The following LPIN1 variants were observed in gnomAD, a reference collection of about 807,000 sequenced individuals.
The protein encoded by LPIN1 is lipin 1, also known as phosphatidate phosphatase LPIN1.
Under a neutral mutation model 107.5 loss-of-function variants are expected in LPIN1, and 71 were observed. The ratio of observed to expected loss-of-function variants is 0.66; its 90% CI spans 0.55 to 0.80. The LOEUF is 0.80. Among genes scored for constraint, LPIN1 ranks in the 30% least tolerant of loss-of-function variants. The pLI, the probability that LPIN1 is intolerant of heterozygous loss-of-function variation, is 0.00. For synonymous variants in LPIN1, 445 were observed against 452.6 expected (o/e 0.98, Z 0.21); for missense variants, 1,043 against 1,160.6 (o/e 0.90, Z 1.47).
At chr2:11,729,147 G>A (rs905168631) in intron 1 of LPIN1, among the ~76,000 whole-genome samples, 6 of 152,094 alleles carry the variant, frequency 3.9e-5, no homozygotes, top group Admixed American at 2.6e-4. Flanking sequence ...AGGGCCTGTC[G>A]GGGAACGGGG....
At chr2:11,759,182 TTTCTTTCTTTTC>T (rs1199708220) in intron 1 of LPIN1, among the ~76,000 whole-genome samples, 6 of 136,526 alleles carry the variant, frequency 4.4e-5, no homozygotes, top group Non-Finnish European at 9.5e-5. Context: ...TCTTTCTTTC[TTTCTTTCTTTTC>T]TTTCTTTCTT....
chr2:11,788,462 C>T lies in LPIN1; in HGVS notation c.1713+6C>T. 6.2e-7 allele frequency: 1 copy of T among 1,609,626 alleles called. No individual in the cohort carries two copies. Among genetic ancestry groups the T allele is most frequent in the Non-Finnish European group, 8.5e-7 (1 of 1,175,908 alleles). ...TCCAGAAACCTTTGCCAAAGGTGAG[C>T]TTTAACATGAGAAAGAAAAGGGGAT... On this transcript the variant is annotated splice_donor_region_variant and intron_variant, in intron 12 of 20. Coordinates refer to ENST00000674199, the MANE Select transcript of LPIN1 (RefSeq NM_001349206.2).
upstream of LPIN1, chr2:11,746,568 C>T: frequency 3.5e-6 from 3 of 851,196 alleles, no homozygotes; most frequent in Non-Finnish European, 4.2e-6. Flanking sequence ...CCGCCCCTGC[C>T]CTCTGCCCCC....
chr2:11,730,064 C>T (rs1026720306), intron 1 of LPIN1, among the ~76,000 whole-genome samples: 17 of 152,050 alleles, frequency 1.1e-4, no homozygotes, highest in Admixed American at 3.9e-4. Context: ...ATTTATTCCA[C>T]CCTACTCTTT....
Position 11,775,975 on chromosome 2 carries a change from A to G in LPIN1, c.723-111A>G, listed in dbSNP as rs1264473684. The G allele has an allele frequency of 3.5e-5, 10 of 282,084 alleles. 1 individual carries two copies. Among genetic ancestry groups the G allele is most frequent in the Admixed American group, 1.5e-4 (3 of 19,776 alleles). The allele number at this position is 282,084 out of a possible 1,614,324, so 17.5% of individuals were successfully genotyped here. A position where few individuals can be genotyped will look rare whatever the true frequency, so the allele number is the denominator to read the frequency against. On this transcript the variant is annotated intron_variant, in intron 5 of 20. Coordinates refer to ENST00000674199, the MANE Select transcript of LPIN1 (RefSeq NM_001349206.2). ...TATTATATATACTTTATATAATCTT[A>G]TATATAATCTTTATATAAAGTATAT...
intron 2 of LPIN1, among the ~76,000 whole-genome samples, chr2:11,766,141 T>C (rs902462911): frequency 2.0e-4 from 31 of 152,188 alleles, no homozygotes; most frequent in Non-Finnish European, 1.2e-4. Context: ...CAACTACCCA[T>C]GGCCTCTCCA....
chr2:11,784,671 G>T lies in LPIN1; in HGVS notation c.1359-215G>T, dbSNP rs1032142142. On this transcript the variant is annotated intron_variant, in intron 9 of 20. Coordinates refer to ENST00000674199, the MANE Select transcript of LPIN1 (RefSeq NM_001349206.2). ...TCAGTATATTTTAGGGGGATACAGG[G>T]AGATGCAGCCAGCTGAGAAGTAATG... is the stretch of plus-strand genomic sequence containing the variant. The T allele has an allele frequency of 1.4e-5, 9 of 633,434 alleles. No individual in the cohort carries two copies. In the African/African-American group the frequency reaches 1.4e-4, roughly 10 times the overall value. 39.2% of individuals were successfully genotyped at this position (633,434 alleles called of 1,614,324 possible).
rs538436996 is a variant in LPIN1, at chr2:11,773,213, T to C, written c.597-407T>C. Among the ~76,000 whole-genome samples, 11 of 152,348 alleles carry C rather than the reference T, an allele frequency of 7.2e-5. No individual in the cohort carries two copies. In the South Asian group the frequency reaches 1.0e-3, roughly 14 times the overall value. The stretch of plus-strand genomic sequence containing the variant: ...ACAAAATGTGATCAGCGTATGGTCA[T>C]TGAGTTATTCAGCAGTTCTGCCTGT... On this transcript the variant is annotated intron_variant, in intron 4 of 20. Coordinates refer to ENST00000674199, the MANE Select transcript of LPIN1 (RefSeq NM_001349206.2).
In LPIN1 at chr2:11,819,323, C is replaced by T. The variant is rs1484649664; in HGVS notation, c.2403-161C>T. The T allele has an allele frequency of 1.5e-5, 9 of 618,450 alleles. No individual in the cohort carries two copies. In the Admixed American group the frequency reaches 2.5e-4, roughly 17 times the overall value. 38.3% of individuals were successfully genotyped at this position (618,450 alleles called of 1,614,324 possible). ...AGACTTGAAAGTACGGGTTTACTTT[C>T]CATCTCGTGCTTTTCTGGGATGTCT... On this transcript the variant is annotated intron_variant, in intron 18 of 20. Transcript: ENST00000674199.
rs144102076 is a variant in LPIN1 at position 11,795,463 on chromosome 2, C to T, written c.1862C>T (p.Pro621Leu). 63 of 1,614,004 alleles carry T rather than the reference C, an allele frequency of 3.9e-5. No homozygotes were observed. The African/African-American group carries it at 5.7e-4, about 15-fold the overall frequency. The change falls in exon 14 of 21, where the codon CCG becomes CTG. Residue 621 changes from proline to leucine, a missense_variant. Pro to Leu is a moderately conservative substitution (Grantham distance 98). Coordinates refer to ENST00000674199, the MANE Select transcript of LPIN1 (RefSeq NM_001349206.2). ...AAGGCCCATAGCACCGGAGAGCAAC[C>T]GCCGCAGCTCAGCTTGGCCACCAGG... ...AGKAHSTGEQ[P>L]PQLSLATRVK...
At chr2:11,815,262 C>T (rs1186040183) in intron 18 of LPIN1, 22 bp downstream of exon 18, 3 of 1,613,288 alleles carry the variant, frequency 1.9e-6, no homozygotes. Flanking sequence ...GCTCCCTGCA[C>T]CTCCATCTGT....
intron 3 of LPIN1, among the ~76,000 whole-genome samples, chr2:11,770,993 G>A (rs1411685650): frequency 6.6e-6 from 1 of 152,106 alleles, no homozygotes. Context: ...CTACACAGAA[G>A]TGCAAGAGTG....
intron 1 of LPIN1, chr2:11,681,587 C>T (rs1282518657): frequency 1.3e-5 from 2 of 152,680 alleles, no homozygotes; most frequent in East Asian, 3.9e-4. Flanking sequence ...TACCCAGGTT[C>T]GGGTATTTCT....
Position 11,694,580 on chromosome 2 carries a change from C to T in LPIN1, c.81+16852C>T, listed in dbSNP as rs536295224. On this transcript the variant is annotated intron_variant, in intron 1 of 21. Coordinates refer to the LPIN1 transcript ENST00000449576. ...TTGTGTATGTATCTGAAGCTTGCAGCGCTATATCATAATGCACCTACCAAG... is the reference window on the plus strand; with the variant it reads ...TTGTGTATGTATCTGAAGCTTGCAGTGCTATATCATAATGCACCTACCAAG... Among the ~76,000 whole-genome samples the T allele has an allele frequency of 1.6e-4, 25 of 152,260 alleles. 1 individual carries two copies. The highest frequency in any genetic ancestry group is 5.8e-4 in the African/African-American group (24 of 41,540).
chr2:11,679,103 ACT>A (rs1661576079), intron 1 of LPIN1, among the ~76,000 whole-genome samples: 1 of 151,992 alleles, frequency 6.6e-6, no homozygotes, highest in African/African-American at 2.4e-5. Context: ...CGCAGGACTG[ACT>A]CTCTCGCCAG....
chr2:11,687,151 T>C (rs6432228), intron 1 of LPIN1, among the ~76,000 whole-genome samples: 85,499 of 151,712 alleles, frequency 0.56, 25,657 homozygotes, highest in African/African-American at 0.78. Flanking sequence ...GTACACACCA[T>C]CATGCCCAGC....
chr2:11,771,499 T>C lies in LPIN1; in HGVS notation c.416T>C (p.Val139Ala). 3 of 1,614,178 alleles carry C rather than the reference T, an allele frequency of 1.9e-6. No individual in the cohort carries two copies. Among genetic ancestry groups the C allele is most frequent in the Non-Finnish European group, 8.5e-7 (1 of 1,180,028 alleles). ...CTGGACCCCAGCACGCCAGCCCAAG[T>C]GATCGCTCCCAGCGAGACGCCGTCA... ...RGLDPSTPAQVIAPSETPSSS... is the reference protein window; with the variant it reads ...RGLDPSTPAQAIAPSETPSSS... Residue 139 changes from valine (V) to alanine (A), a missense_variant, in exon 4 of 21, where the codon GTG becomes GCG. Val to Ala is a moderately conservative substitution (Grantham distance 64). Transcript: ENST00000674199. The surrounding 1 kb of genome is among the most constrained non-coding windows in gnomAD (Gnocchi z 4.8).
chr2:11,784,783 C>T (rs1309194516), intron 9 of LPIN1, 103 bp from the exon 10 acceptor site: 12 of 1,034,322 alleles, frequency 1.2e-5, no homozygotes, highest in Non-Finnish European at 6.1e-6. Flanking sequence ...CAGCCGTCTG[C>T]GGCTCTGAGG....
Position 11,824,991 on chromosome 2 carries a change from C to G in LPIN1, c.*200C>G. On this transcript the variant is annotated 3_prime_UTR_variant, in exon 21 of 21. Transcript: ENST00000674199. ...AAGCAAGATAGGAAGGGAGCACTTT[C>G]TAGGCTAGGAGTTGGGTGCATTTGT... The G allele has an allele frequency of 1.6e-6, 1 of 623,968 alleles. No individual in the cohort carries two copies. Among genetic ancestry groups the G allele is most frequent in the Non-Finnish European group, 2.8e-6 (1 of 357,142 alleles). The allele number at this position is 623,968 out of a possible 1,614,324, so 38.7% of individuals were successfully genotyped here.
Sources: gnomAD v4.1 joint callset for allele counts (sites outside exome capture counted in the v4.1 genomes callset) on GRCh38, gnomAD v4.1.1 for gene constraint, Gnocchi (gnomAD v3.1) non-coding constraint, MANE v1.5 for transcripts, NCBI Gene and HGNC (gene_info 2026-07-23, HGNC 2026-07-21) for gene names.